The following MAPK4 variants were observed in gnomAD, a reference collection of about 807,000 sequenced individuals.
The protein encoded by MAPK4 is Erk3-related.
MAPK4 carries 22 observed loss-of-function variants against 47.7 expected under a neutral mutation model. The observed-to-expected ratio is 0.46, with a 90% CI of 0.33 to 0.66. The LOEUF is 0.66. MAPK4 is among the 30% of genes least tolerant of loss of function. MAPK4 has a pLI of 0.02. For synonymous variants in MAPK4, 390 were observed against 365.7 expected (o/e 1.07, Z -0.76); for missense variants, 736 against 831.7 (o/e 0.88, Z 1.42).
At chr18:50,676,254 C>A (rs1908265105) in intron 2 of MAPK4, among the ~76,000 whole-genome samples, 1 of 152,136 alleles carries the variant, frequency 6.6e-6, no homozygotes, top group South Asian at 2.1e-4. Context: ...ATAATCTTAT[C>A]CCTTATAGCT....
chr18:50,634,901 G>C (rs1228957011), intron 1 of MAPK4, among the ~76,000 whole-genome samples: 2 of 152,166 alleles, frequency 1.3e-5, no homozygotes, highest in Non-Finnish European at 2.9e-5. Context: ...GAGCAGTGGT[G>C]CTCAATCCTG....
intron 1 of MAPK4, among the ~76,000 whole-genome samples, chr18:50,576,788 G>C (rs951052506): frequency 6.6e-6 from 1 of 151,978 alleles, no homozygotes; most frequent in Non-Finnish European, 1.5e-5. Context: ...GTATAATGCA[G>C]TTTGTATGAA....
intron 1 of MAPK4, among the ~76,000 whole-genome samples, chr18:50,578,344 G>C (rs182307132): frequency 6.6e-6 from 1 of 152,296 alleles, no homozygotes; most frequent in Admixed American, 6.5e-5. Context: ...TGAATCACCT[G>C]GAACACTTGT....
chr18:50,663,828 C>G lies in MAPK4; in HGVS notation c.-131C>G, dbSNP rs1016684852. ...CAGAGAGCTGGTGGCAGTGACCTCA[C>G]TAGGAGAAAACACATCCCTCAGCCG... is the stretch of plus-strand genomic sequence containing the variant. On this transcript the variant is annotated 5_prime_UTR_variant, in exon 2 of 6. Coordinates refer to ENST00000400384, the MANE Select transcript of MAPK4 (RefSeq NM_002747.4). The G allele has an allele frequency of 4.0e-6, 3 of 749,840 alleles. No individual in the cohort carries two copies. The highest frequency in any genetic ancestry group is 6.5e-6 in the Non-Finnish European group (3 of 463,616). 46.4% of individuals were successfully genotyped at this position (749,840 alleles called of 1,614,324 possible). A position where few individuals can be genotyped will look rare whatever the true frequency, so the allele number is the denominator to read the frequency against.
At chr18:50,588,122 C>T (rs2042404595) in intron 1 of MAPK4, among the ~76,000 whole-genome samples, 1 of 1,120 alleles carries the variant, frequency 8.9e-4, no homozygotes, top group South Asian at 0.17. Context: ...CACCCCAAAA[C>T]TTGTGCCTTA....
At chr18:50,693,128 G>A (rs926619036) in intron 2 of MAPK4, among the ~76,000 whole-genome samples, 4 of 152,106 alleles carry the variant, frequency 2.6e-5, no homozygotes, top group Admixed American at 6.6e-5. Flanking sequence ...GCATGGTGGC[G>A]CATGCCTGTA....
chr18:50,601,096 GTA>G (rs1491207757), intron 1 of MAPK4, among the ~76,000 whole-genome samples: 16 of 16,928 alleles, frequency 9.5e-4, no homozygotes, highest in Non-Finnish European at 1.1e-3. Flanking sequence ...CCCTATCTCT[GTA>G]AAAAAAAAAA....
chr18:50,721,538 T>C (rs993367717), intron 3 of MAPK4, among the ~76,000 whole-genome samples: 1 of 152,200 alleles, frequency 6.6e-6, no homozygotes, highest in Non-Finnish European at 1.5e-5. Context: ...GTATGGCTCA[T>C]TCCCAGCCTT....
At chr18:50,632,070 G>A (rs2042835516) in intron 1 of MAPK4, among the ~76,000 whole-genome samples, 1 of 152,138 alleles carries the variant, frequency 6.6e-6, no homozygotes, top group Non-Finnish European at 1.5e-5. Context: ...TGATCTCCTA[G>A]GTATGGGCCC....
chr18:50,613,927 CAAAT>C (rs991621724), intron 1 of MAPK4, among the ~76,000 whole-genome samples: 4 of 152,036 alleles, frequency 2.6e-5, no homozygotes, highest in East Asian at 1.9e-4. Flanking sequence ...GACAAGAAGA[CAAAT>C]GAATGAAATA....
intron 1 of MAPK4, among the ~76,000 whole-genome samples, chr18:50,580,236 G>A (rs1226573331): frequency 6.6e-6 from 1 of 152,126 alleles, no homozygotes; most frequent in Non-Finnish European, 1.5e-5. Context: ...GTTGGCAAAC[G>A]GTCTGTTCTC....
At position 50,729,286 on chromosome 18, in the gene MAPK4, A is replaced by T; in HGVS notation, c.1196A>T (p.Lys399Met). ...LAEDVQVDPR[K>M]DSHSSSERFL... ...GAGGACGTGCAGGTGGACCCGCGCA[A>T]GGACTCGCACAGCAGCTCCGAGCGC... The change falls in exon 6 of 6, where the codon AAG (lysine) becomes ATG (methionine). Residue 399 changes from lysine (K) to methionine (M), a missense_variant. Lys to Met is a moderately conservative substitution (Grantham distance 95). This residue lies in a region of MAPK4 where 377 missense variants were observed against 378.6 expected (regional missense o/e 1.00). Transcript: ENST00000400384. 6.2e-7 allele frequency: 1 copy of T among 1,609,202 alleles called. No individual in the cohort carries two copies. Among genetic ancestry groups the T allele is most frequent in the Non-Finnish European group, 8.5e-7 (1 of 1,177,772 alleles).
At chr18:50,592,618 G>A (rs1378651923) in intron 1 of MAPK4, among the ~76,000 whole-genome samples, 2 of 152,184 alleles carry the variant, frequency 1.3e-5, no homozygotes, top group East Asian at 1.9e-4. Flanking sequence ...TTCCTTACCC[G>A]AATTAGAGGC....
intron 2 of MAPK4, among the ~76,000 whole-genome samples, chr18:50,686,150 A>G (rs1598910144): frequency 6.6e-6 from 1 of 152,198 alleles, no homozygotes; most frequent in East Asian, 1.9e-4. Context: ...TTTAACTTCA[A>G]ATTAATTTCT....
At chr18:50,595,048 C>T (rs973856141) in intron 1 of MAPK4, among the ~76,000 whole-genome samples, 5 of 152,166 alleles carry the variant, frequency 3.3e-5, no homozygotes, top group African/African-American at 1.2e-4. Context: ...GAAAGACTGG[C>T]AACGCCGGAT....
intron 1 of MAPK4, among the ~76,000 whole-genome samples, chr18:50,589,378 C>T (rs955879857): frequency 2.6e-5 from 4 of 152,106 alleles, no homozygotes; most frequent in Non-Finnish European, 5.9e-5. Flanking sequence ...GGGCGGATCA[C>T]GAGGTCAGGA....
At chr18:50,706,763 G>A (rs532091180) in intron 2 of MAPK4, among the ~76,000 whole-genome samples, 1 of 152,222 alleles carries the variant, frequency 6.6e-6, no homozygotes, top group South Asian at 2.1e-4. Flanking sequence ...ATCAGATAAG[G>A]AAACTGAGGC....
At chr18:50,615,522 C>T (rs2042677381) in intron 1 of MAPK4, among the ~76,000 whole-genome samples, 1 of 152,318 alleles carries the variant, frequency 6.6e-6, no homozygotes, top group Admixed American at 6.5e-5. Context: ...ACATGCCCCT[C>T]TTTTTCCAGA....
chr18:50,566,769 C>G (rs534514135), intron 1 of MAPK4, among the ~76,000 whole-genome samples: 2 of 152,134 alleles, frequency 1.3e-5, no homozygotes, highest in East Asian at 3.9e-4. Context: ...CAGTAAATAA[C>G]TAGAATAAAA....
Sources: allele counts gnomAD v4.1 joint callset (sites outside exome capture counted in the v4.1 genomes callset), GRCh38; gene constraint gnomAD v4.1.1; regional missense constraint gnomAD v4.1.1; transcripts MANE v1.5; gene names NCBI Gene and HGNC (gene_info 2026-07-23, HGNC 2026-07-21).